Variants in EPB41L2 observed in about 807,000 individuals in gnomAD.
EPB41L2 encodes erythrocyte membrane protein band 4.1 like 2.
A neutral mutation model predicts 113.0 loss-of-function variants in EPB41L2; 43 were observed. The ratio of observed to expected loss-of-function variants is 0.38; its 90% CI spans 0.30 to 0.49. The LOEUF is 0.49. Ranked by LOEUF, EPB41L2 falls within the 20% of genes least tolerant of loss-of-function variation. EPB41L2 has a pLI of 0.95. For synonymous variants in EPB41L2, 442 were observed against 436.7 expected (o/e 1.01, Z -0.15); for missense variants, 1,147 against 1,223.4 (o/e 0.94, Z 0.93).
At chr6:130,892,911 G>A (rs1297975574) in intron 10 of EPB41L2, among the ~76,000 whole-genome samples, 1 of 152,122 alleles carries the variant, frequency 6.6e-6, no homozygotes, top group East Asian at 1.9e-4. Context: ...GTATCACGGT[G>A]ACACAGCTCG....
chr6:130,935,590 C>A (rs1056333627), intron 3 of EPB41L2, among the ~76,000 whole-genome samples: 3 of 152,140 alleles, frequency 2.0e-5, no homozygotes, highest in South Asian at 4.1e-4. Context: ...CACAAAAAAA[C>A]CCACTGTCAA....
chr6:130,858,014 A>G (rs934513445), intron 19 of EPB41L2, 117 bp downstream of exon 19: 17 of 812,504 alleles, frequency 2.1e-5, no homozygotes, highest in Middle Eastern at 2.3e-4. Context: ...CAGTCTAGAA[A>G]GTCAAATGTA....
At chr6:130,953,760 G>A (rs1718520718) in intron 3 of EPB41L2, among the ~76,000 whole-genome samples, 1 of 151,886 alleles carries the variant, frequency 6.6e-6, no homozygotes, top group Admixed American at 6.6e-5. Context: ...GAGGTTGAAG[G>A]GAGCTGCCTT....
rs1357685287 is a variant in EPB41L2 at position 130,865,623 on chromosome 6, C to T, written c.2742G>A (p.Gly914=). 3 of 1,614,140 alleles carry T rather than the reference C, an allele frequency of 1.9e-6. No homozygotes were observed. The highest frequency in any genetic ancestry group is 1.3e-5 in the African/African-American group (1 of 75,034). ...GTAACGTGCCCGAATCACCACCAGC[C>T]CCGCCATCAATCTTTGGATAGTTGG... ...ITYESPQIDG[G]AGGDSGTLLT... is the part of the protein sequence containing the mutation. Residue 914 remains glycine (G), a synonymous_variant, in exon 17 of 20, where the codon GGG becomes GGA. Coordinates refer to ENST00000337057, the MANE Select transcript of EPB41L2 (RefSeq NM_001431.4).
intron 1 of EPB41L2, among the ~76,000 whole-genome samples, chr6:131,003,860 ATTACCAG>A: frequency 1.3e-5 from 2 of 152,348 alleles, no homozygotes; most frequent in East Asian, 3.9e-4. Context: ...AGGTGATGTC[ATTACCAG>A]CCATGGGTCT....
At chr6:131,007,353 C>G (rs77454684) in intron 1 of EPB41L2, among the ~76,000 whole-genome samples, 4,002 of 152,250 alleles carry the variant, frequency 0.026, 194 homozygotes, top group African/African-American at 0.092. Flanking sequence ...CTGAGGCTTC[C>G]CCAGCCAAAT....
Position 130,840,321 on chromosome 6 carries a change from C to T in EPB41L2, c.*283G>A, listed in dbSNP as rs1775080538. The T allele has an allele frequency of 6.6e-6, 1 of 152,358 alleles. No individual in the cohort carries two copies. The highest frequency in any genetic ancestry group is 6.6e-5 in the Admixed American group (1 of 15,264). 9.4% of individuals were successfully genotyped at this position (152,358 alleles called of 1,614,324 possible). A position where few individuals can be genotyped will look rare whatever the true frequency, so the allele number is the denominator to read the frequency against. On this transcript the variant is annotated 3_prime_UTR_variant, in exon 20 of 20. Coordinates refer to ENST00000337057, the MANE Select transcript of EPB41L2 (RefSeq NM_001431.4). The stretch of plus-strand genomic sequence containing the variant: ...AGTTGCACACAAAGTAAACAGAAAA[C>T]AAAACCAAAACCCCTTAATTAACAA...
At chr6:130,972,277 T>C (rs180798056) in intron 1 of EPB41L2, among the ~76,000 whole-genome samples, 2 of 135,738 alleles carry the variant, frequency 1.5e-5, no homozygotes, top group East Asian at 2.1e-4. Context: ...TAAGCCAAGA[T>C]TGCGCCATTG....
chr6:130,865,578 T>A lies in EPB41L2; in HGVS notation c.2787A>T (p.Thr929=), dbSNP rs149001048. The A allele has an allele frequency of 5.0e-6, 8 of 1,614,210 alleles. No homozygotes were observed. The highest frequency in any genetic ancestry group is 6.8e-6 in the Non-Finnish European group (8 of 1,180,036). Residue 929 remains threonine, a synonymous_variant, in exon 17 of 20, where the codon ACA becomes ACT. Coordinates refer to ENST00000337057, the MANE Select transcript of EPB41L2 (RefSeq NM_001431.4). ...SGTLLTAQTI[T]SESVSTTTTT... is the part of the protein sequence containing the mutation. ...TTGTCGTTGTTGACACGGACTCAGA[T>A]GTGATGGTTTGTGCGGTCAGTAACG...
intron 1 of EPB41L2, among the ~76,000 whole-genome samples, chr6:130,978,118 A>G (rs1337844794): frequency 6.6e-6 from 1 of 152,214 alleles, no homozygotes; most frequent in Non-Finnish European, 1.5e-5. Context: ...TTACTTTAAA[A>G]CAGCCACCAC....
At chr6:130,899,718 A>C in intron 7 of EPB41L2, 140 bp from the exon 8 acceptor site, 1 of 683,170 alleles carries the variant, frequency 1.5e-6, no homozygotes, top group Non-Finnish European at 2.5e-6. Flanking sequence ...GGAAATGGTA[A>C]GAAAACAACT....
rs143331805 is a variant in EPB41L2, at chr6:130,938,992, C to T, written c.706-12283G>A. 3.9e-3 allele frequency among the ~76,000 whole-genome samples: 593 copies of T among 152,056 alleles called. 2 individuals are homozygous for T. The highest frequency in any genetic ancestry group is 0.013 in the African/African-American group (552 of 41,462). ...CTGGATATCATCATGGAACTAGTAA[C>T]AAGAAAGTCTAACGGCGAAAAGCAC... On this transcript the variant is annotated intron_variant, in intron 3 of 19. Coordinates refer to ENST00000337057, the MANE Select transcript of EPB41L2 (RefSeq NM_001431.4).
At chr6:130,855,336 G>A (rs570455060) in intron 19 of EPB41L2, among the ~76,000 whole-genome samples, 1 of 152,272 alleles carries the variant, frequency 6.6e-6, no homozygotes, top group South Asian at 2.1e-4. Flanking sequence ...GGGCGACAGA[G>A]CGAGACTCCG....
At chr6:130,987,347 C>T (rs190615033) in intron 1 of EPB41L2, among the ~76,000 whole-genome samples, 8 of 152,246 alleles carry the variant, frequency 5.3e-5, no homozygotes, top group East Asian at 1.9e-4. Context: ...CAGTAGTATA[C>T]GTGGGTTCCA....
intron 3 of EPB41L2, among the ~76,000 whole-genome samples, 171 bp from the exon 4 acceptor site, chr6:130,926,880 C>T (rs989076569): frequency 6.6e-6 from 1 of 152,056 alleles, no homozygotes; most frequent in African/African-American, 2.4e-5. Context: ...GCCCTCCCAC[C>T]CTGCACACAT....
At chr6:131,029,907 T>C (rs1225745115) in intron 1 of EPB41L2, among the ~76,000 whole-genome samples, 2 of 151,814 alleles carry the variant, frequency 1.3e-5, no homozygotes, top group Non-Finnish European at 2.9e-5. Flanking sequence ...TTTTTTCTTT[T>C]TTTTTTTTTT....
intron 19 of EPB41L2, among the ~76,000 whole-genome samples, chr6:130,847,115 A>G (rs1300369535): frequency 1.3e-5 from 2 of 152,216 alleles, no homozygotes; most frequent in African/African-American, 4.8e-5. Context: ...CTGTGCTGAG[A>G]ACTCTATACA....
chr6:130,853,182 G>A (rs1247388195), intron 19 of EPB41L2, among the ~76,000 whole-genome samples: 3 of 152,184 alleles, frequency 2.0e-5, no homozygotes, highest in African/African-American at 4.8e-5. Flanking sequence ...GTGAAAGGAT[G>A]AGCAGCCACT....
At chr6:131,047,717 C>T (rs1470883139) in intron 1 of EPB41L2, among the ~76,000 whole-genome samples, 3 of 152,164 alleles carry the variant, frequency 2.0e-5, no homozygotes, top group Non-Finnish European at 4.4e-5. Context: ...ATTTTTATAA[C>T]TGTATAGTCC....
Sources: gnomAD v4.1 joint callset for allele counts (sites outside exome capture counted in the v4.1 genomes callset) on GRCh38, gnomAD v4.1.1 for gene constraint, MANE v1.5 for transcripts, NCBI Gene and HGNC (gene_info 2026-07-23, HGNC 2026-07-21) for gene names.